Variants in RORA observed in about 807,000 individuals in gnomAD.
The protein encoded by RORA is nuclear receptor ROR-alpha.
A neutral mutation model predicts 69.5 loss-of-function variants in RORA; 7 were observed. The ratio of observed to expected loss-of-function variants is 0.10; its 90% CI spans 0.06 to 0.19. The LOEUF (loss-of-function observed/expected upper bound fraction) is 0.19, where lower values mean the gene tolerates loss of function less well. Ranked by LOEUF, RORA falls within the 10% of genes least tolerant of loss-of-function variation. The probability of loss-of-function intolerance (pLI) is 1.00; values close to 1 mark genes in which losing one functional copy is unlikely to be tolerated. For synonymous variants in RORA, 261 were observed against 240.8 expected (o/e 1.08, Z -0.78); for missense variants, 457 against 663.0 (o/e 0.69, Z 3.41).
chr15:60,497,378 A>G lies in RORA; in HGVS notation c.*77T>C. ...CTCCAGGTCTGTGCAGGGCCATATA[A>G]AGTGTCTCGGTTAATTTTTTTGTTT... On this transcript the variant is annotated 3_prime_UTR_variant, in exon 11 of 11. Transcript: ENST00000335670. 1 of 1,346,692 alleles carries G rather than the reference A, an allele frequency of 7.4e-7. No individual in the cohort carries two copies. Among genetic ancestry groups the G allele is most frequent in the Non-Finnish European group, 1.0e-6 (1 of 953,656 alleles). The allele number at this position is 1,346,692 out of a possible 1,614,324, so 83.4% of individuals were successfully genotyped here.
rs56210900 is a variant in RORA at position 61,028,463 on chromosome 15, G to A, written c.166+200590C>T. On this transcript the variant is annotated intron_variant, in intron 1 of 10. Transcript: ENST00000335670. ...TATCTAATGAGCTCCTACTATGTGCGGGGCCCTTTGTTAGGTGTTAGAATA... is the reference window on the plus strand; with the variant it reads ...TATCTAATGAGCTCCTACTATGTGCAGGGCCCTTTGTTAGGTGTTAGAATA... 9.8e-3 allele frequency among the ~76,000 whole-genome samples: 1,493 copies of A among 152,254 alleles called. 15 individuals carry two copies. The highest frequency in any genetic ancestry group is 0.014 in the Middle Eastern group (4 of 294).
chr15:61,222,509 C>T (rs1298808488), intron 1 of RORA, among the ~76,000 whole-genome samples: 1 of 152,200 alleles, frequency 6.6e-6, no homozygotes, highest in Non-Finnish European at 1.5e-5. Flanking sequence ...TGCCCCATTC[C>T]TCTCTTCTAA....
intron 1 of RORA, chr15:61,039,046 G>T (rs1285501038): frequency 6.6e-6 from 1 of 152,220 alleles, no homozygotes; most frequent in African/African-American, 2.4e-5. Context: ...CGGGATATTT[G>T]TGAGGCTTGT....
Position 60,800,951 on chromosome 15 carries a change from A to G in RORA, c.167-122265T>C, listed in dbSNP as rs572075924. Among the ~76,000 whole-genome samples, 321 of 152,326 alleles carry G rather than the reference A, an allele frequency of 2.1e-3. 1 individual carries two copies. Among genetic ancestry groups the G allele is most frequent in the African/African-American group, 7.3e-3 (305 of 41,582 alleles). On this transcript the variant is annotated intron_variant, in intron 1 of 10. Coordinates refer to ENST00000335670, the MANE Select transcript of RORA (RefSeq NM_134261.3). ...GGGCCACGTTGAGCCTGCATTCCCA[A>G]TACTTTCTGCAGTGCTTGGCACACA... is the stretch of plus-strand genomic sequence containing the variant.
chr15:60,698,853 G>T (rs372758963), intron 1 of RORA, among the ~76,000 whole-genome samples: 1 of 151,920 alleles, frequency 6.6e-6, no homozygotes, highest in Non-Finnish European at 1.5e-5. Context: ...CATTTATGAT[G>T]TTGTTTTGTC....
At chr15:61,149,788 T>C (rs2079382434) in intron 1 of RORA, among the ~76,000 whole-genome samples, 2 of 152,252 alleles carry the variant, frequency 1.3e-5, no homozygotes, top group Non-Finnish European at 2.9e-5. Flanking sequence ...TTTCAAAGCA[T>C]CAACTTGGAA....
chr15:60,889,330 A>G (rs2073786899), intron 1 of RORA, among the ~76,000 whole-genome samples: 1 of 114,726 alleles, frequency 8.7e-6, no homozygotes, highest in Admixed American at 9.5e-5. Flanking sequence ...TTAGAGAGAA[A>G]GACAGGGAAG....
intron 1 of RORA, among the ~76,000 whole-genome samples, chr15:61,212,550 C>G (rs1018944877): frequency 6.6e-6 from 1 of 152,142 alleles, no homozygotes. Flanking sequence ...CAAGTGCACA[C>G]CTGGCTAATT....
intron 2 of RORA, among the ~76,000 whole-genome samples, chr15:60,620,440 A>G (rs2069373664): frequency 6.6e-6 from 1 of 152,216 alleles, no homozygotes; most frequent in Non-Finnish European, 1.5e-5. Flanking sequence ...AGTGGTTAGA[A>G]CAGTGTCTGG....
chr15:61,123,268 C>T (rs961528427), intron 1 of RORA, among the ~76,000 whole-genome samples: 23 of 152,094 alleles, frequency 1.5e-4, no homozygotes, highest in African/African-American at 5.6e-4. Flanking sequence ...ACACCAGAGG[C>T]TGAGTTAACT....
At chr15:60,943,080 T>G (rs557020205) in intron 1 of RORA, among the ~76,000 whole-genome samples, 1 of 152,386 alleles carries the variant, frequency 6.6e-6, no homozygotes, top group African/African-American at 2.4e-5. Flanking sequence ...GGTACCTGTA[T>G]CCATCTTTGC....
chr15:61,109,826 T>C (rs1230476935), intron 1 of RORA, among the ~76,000 whole-genome samples: 3 of 152,200 alleles, frequency 2.0e-5, no homozygotes, highest in Non-Finnish European at 2.9e-5. Flanking sequence ...GGTGTGATTA[T>C]AGTATCTGAG....
chr15:60,792,807 A>T (rs1284875249), intron 1 of RORA, among the ~76,000 whole-genome samples: 1 of 152,178 alleles, frequency 6.6e-6, no homozygotes, highest in Non-Finnish European at 1.5e-5. Flanking sequence ...ATGACACCAA[A>T]TGGTAACTCA....
At chr15:60,671,897 C>T (rs2070479491) in intron 2 of RORA, among the ~76,000 whole-genome samples, 1 of 151,872 alleles carries the variant, frequency 6.6e-6, no homozygotes, top group African/African-American at 2.4e-5. Flanking sequence ...CAGGGGTGAG[C>T]CACCAAGCCC....
At chr15:60,908,161 A>G (rs1011255167) in intron 1 of RORA, among the ~76,000 whole-genome samples, 8 of 152,218 alleles carry the variant, frequency 5.3e-5, no homozygotes, top group African/African-American at 1.9e-4. Flanking sequence ...CATGCTGGTG[A>G]GGCCTGCCTC....
At chr15:60,958,127 A>T (rs28661206) in intron 1 of RORA, among the ~76,000 whole-genome samples, 3,076 of 152,336 alleles carry the variant, frequency 0.02, 105 homozygotes, top group African/African-American at 0.069. Context: ...CTGAGCTAGA[A>T]TTTTGGTGGG....
At chr15:60,719,721 T>C (rs949932771) in intron 1 of RORA, among the ~76,000 whole-genome samples, 1 of 152,204 alleles carries the variant, frequency 6.6e-6, no homozygotes, top group Admixed American at 6.5e-5. Context: ...CCTTAAATTT[T>C]TAAACACAGC....
In RORA at chr15:60,514,629, C is replaced by T. The variant is rs1384698588; in HGVS notation, c.411G>A (p.Gly137=). ...GTGAGAGCTCACCATCTCGAGACAT[C>T]CCTACGGCAAGGCATTTCTGTAATC... The part of the protein sequence containing the change: ...HCRLQKCLAV[G]MSRDAVKFGR... The change falls in exon 4 of 11, where the codon GGG becomes GGA. Residue 137 remains glycine (G), a synonymous_variant. Coordinates refer to ENST00000335670, the MANE Select transcript of RORA (RefSeq NM_134261.3). The T allele has an allele frequency of 4.3e-6, 7 of 1,614,060 alleles. No homozygotes were observed. Among genetic ancestry groups the T allele is most frequent in the Non-Finnish European group, 5.9e-6 (7 of 1,179,960 alleles).
chr15:60,898,890 C>T (rs1891308181), intron 1 of RORA, among the ~76,000 whole-genome samples: 1 of 152,130 alleles, frequency 6.6e-6, no homozygotes, highest in Non-Finnish European at 1.5e-5. Context: ...TATGAGGGCA[C>T]AGGGGATGGG....
Sources: gnomAD v4.1 joint callset for allele counts (sites outside exome capture counted in the v4.1 genomes callset) on GRCh38, gnomAD v4.1.1 for gene constraint, MANE v1.5 for transcripts, NCBI Gene and HGNC (gene_info 2026-07-23, HGNC 2026-07-21) for gene names.